The following COCH variants were observed in gnomAD, a reference collection of about 807,000 sequenced individuals.
COCH encodes the protein coagulation factor C homolog, cochlin (Limulus polyphemus).
Under a neutral mutation model 54.8 loss-of-function variants are expected in COCH, and 40 were observed. The observed-to-expected ratio is 0.73, with a 90% confidence interval of 0.57 to 0.95. The LOEUF is 0.95. Among genes scored for constraint, COCH ranks in the 40% least tolerant of loss-of-function variants. The probability of loss-of-function intolerance (pLI) is 0.00; values close to 1 mark genes in which losing one functional copy is unlikely to be tolerated. For missense variants in COCH, 605 were observed against 675.0 expected, an observed-to-expected ratio of 0.90 and a Z score of 1.15; for synonymous variants, 256 against 237.9, an observed-to-expected ratio of 1.08 and a Z score of -0.70.
chr14:30,895,340 T>C, downstream of COCH: 1 of 1,471,628 alleles, frequency 6.8e-7, no homozygotes, highest in Non-Finnish European at 9.1e-7. Flanking sequence ...ATCAGTAACC[T>C]TTCTGATGGC....
intron 11 of COCH, 167 bp from the exon 12 acceptor site, chr14:30,889,449 G>T (rs563972272): frequency 1.6e-6 from 1 of 640,330 alleles, no homozygotes; most frequent in African/African-American, 1.8e-5. Flanking sequence ...TGCCACTCTC[G>T]TCACAATGAC....
chr14:30,877,713 G>C lies in COCH; in HGVS notation c.224G>C (p.Gly75Ala). Residue 75 changes from glycine (G) to alanine (A), a missense_variant, in exon 4 of 12, where the codon GGG (glycine) becomes GCG (alanine). Physicochemically the swap from Gly to Ala is moderately conservative, Grantham distance 60. Coordinates refer to ENST00000396618, the MANE Select transcript of COCH (RefSeq NM_004086.3). The surrounding 1 kb of genome is among the most constrained non-coding windows in gnomAD (Gnocchi z 8.6). Reference protein sequence around the residue: ...IVYASVSSICGAAVHRGVISN... With the variant: ...IVYASVSSICAAAVHRGVISN... ...TATGCTTCTGTATCGAGCATATGTG[G>C]GGCTGCTGTCCACAGGTAAGCCCAA... is the stretch of plus-strand genomic sequence containing the variant. The C allele has an allele frequency of 6.2e-7, 1 of 1,614,194 alleles. No homozygotes were observed. The highest frequency in any genetic ancestry group is 8.5e-7 in the Non-Finnish European group (1 of 1,180,046).
chr14:30,879,096 G>A, intron 5 of COCH, 152 bp downstream of exon 5: 2 of 1,174,884 alleles, frequency 1.7e-6, no homozygotes, highest in Non-Finnish European at 2.4e-6. Flanking sequence ...TAGACTGAGG[G>A]GTCAAGTACC....
chr14:30,888,131 A>AT lies in COCH; in HGVS notation c.1478-1474dup, dbSNP rs67814031. 7.1e-3 allele frequency among the ~76,000 whole-genome samples: 1,062 copies of AT among 148,550 alleles called. 16 individuals carry two copies. The highest frequency in any genetic ancestry group is 0.023 in the African/African-American group (933 of 40,460). On this transcript the variant is annotated intron_variant, in intron 11 of 11. Transcript: ENST00000396618. ...CAGGCTGGAGTACAGTGGTGTGATT[A>AT]TTTTTTTTTTTAACTGTAATTATAT...
chr14:30,879,339 C>T lies in COCH; in HGVS notation c.374-84C>T, dbSNP rs556289271. On this transcript the variant is annotated intron_variant, in intron 5 of 11. Coordinates refer to ENST00000396618, the MANE Select transcript of COCH (RefSeq NM_004086.3). ...ATCACCATTACCCTATTACATTTGT[C>T]ATTGTAGAGAGCTCTAAATTAGATT... The T allele has an allele frequency of 1.4e-3, 1,889 of 1,346,526 alleles. 2 individuals carry two copies. Among genetic ancestry groups the T allele is most frequent in the Middle Eastern group, 6.7e-3 (37 of 5,490 alleles). The allele number at this position is 1,346,526 out of a possible 1,614,324, so 83.4% of individuals were successfully genotyped here. A position where few individuals can be genotyped will look rare whatever the true frequency, so the allele number is the denominator to read the frequency against.
In COCH at chr14:30,889,880, T is replaced by C; in HGVS notation, c.*89T>C. ...ATAATACTGAAATGCTTTAGCATACTAGAATCAGATACAAAACTATTAAGT... is the reference window on the plus strand; with the variant it reads ...ATAATACTGAAATGCTTTAGCATACCAGAATCAGATACAAAACTATTAAGT... On this transcript the variant is annotated 3_prime_UTR_variant, in exon 12 of 12. Transcript: ENST00000396618. 1.3e-6 allele frequency: 2 copies of C among 1,494,982 alleles called. No homozygotes were observed. Among genetic ancestry groups the C allele is most frequent in the African/African-American group, 2.8e-5 (2 of 71,248 alleles). 92.6% of individuals were successfully genotyped at this position (1,494,982 alleles called of 1,614,324 possible). A position where few individuals can be genotyped will look rare whatever the true frequency, so the allele number is the denominator to read the frequency against.
chr14:30,880,353 C>A (rs1467585141), intron 6 of COCH, 99 bp from the exon 7 acceptor site: 2 of 1,540,124 alleles, frequency 1.3e-6, no homozygotes, highest in African/African-American at 2.8e-5. Flanking sequence ...AAAGTCCTTT[C>A]AAGAATGGCA....
Position 30,890,171 on chromosome 14 carries a change from A to C in COCH, c.*380A>C. The C allele has an allele frequency of 1.0e-6, 1 of 994,502 alleles. No individual in the cohort carries two copies. The highest frequency in any genetic ancestry group is 1.2e-6 in the Non-Finnish European group (1 of 835,068). The allele number at this position is 994,502 out of a possible 1,614,324, so 61.6% of individuals were successfully genotyped here. A position where few individuals can be genotyped will look rare whatever the true frequency, so the allele number is the denominator to read the frequency against. On this transcript the variant is annotated 3_prime_UTR_variant, in exon 12 of 12. Transcript: ENST00000396618. ...TTCGTTCTCTAACCATTCTGTATTGATTATATAAGCAAAATGAAAAGAGAA... is the reference window on the plus strand; with the variant it reads ...TTCGTTCTCTAACCATTCTGTATTGCTTATATAAGCAAAATGAAAAGAGAA...
In COCH at chr14:30,877,865, C is replaced by A; in HGVS notation, c.239+137C>A. 6.9e-7 allele frequency: 1 copy of A among 1,451,360 alleles called. No homozygotes were observed. The highest frequency in any genetic ancestry group is 9.3e-7 in the Non-Finnish European group (1 of 1,070,642). The allele number at this position is 1,451,360 out of a possible 1,614,324, so 89.9% of individuals were successfully genotyped here. ...TGGCCACAGAAAATGGATATATTTT[C>A]ACGGTTCTCCTGGATATACTTGAAA... On this transcript the variant is annotated intron_variant, in intron 4 of 11. Coordinates refer to ENST00000396618, the MANE Select transcript of COCH (RefSeq NM_004086.3). The surrounding 1 kb of genome is among the most constrained non-coding windows in gnomAD (Gnocchi z 8.6).
rs545418366 is a variant in COCH, at chr14:30,885,986, G to A, written c.1151G>A (p.Arg384His). Reference protein sequence around the residue: ...GSSSVGDSNFRLMLEFVSNIA... With the variant: ...GSSSVGDSNFHLMLEFVSNIA... Reference sequence around the variant, plus strand: ...AGCAGTGTTGGAGATAGCAATTTCCGCCTCATGCTTGAATTTGTTTCCAAC... The same window carrying A: ...AGCAGTGTTGGAGATAGCAATTTCCACCTCATGCTTGAATTTGTTTCCAAC... The change falls in exon 11 of 12, where the codon CGC becomes CAC. Residue 384 changes from arginine to histidine, a missense_variant. Coordinates refer to ENST00000396618, the MANE Select transcript of COCH (RefSeq NM_004086.3). The A allele has an allele frequency of 5.7e-5, 92 of 1,614,140 alleles. No individual in the cohort carries two copies. Among genetic ancestry groups the A allele is most frequent in the South Asian group, 4.7e-4 (43 of 91,082 alleles).
intron 9 of COCH, 181 bp from the exon 10 acceptor site, chr14:30,885,213 C>A: frequency 1.0e-6 from 1 of 990,498 alleles, no homozygotes; most frequent in Non-Finnish European, 1.5e-6. Context: ...GATAATTAAA[C>A]TTTCCCAGCT....
At chr14:30,888,304 T>A (rs926546430) in intron 11 of COCH, among the ~76,000 whole-genome samples, 1 of 151,924 alleles carries the variant, frequency 6.6e-6, no homozygotes, top group Non-Finnish European at 1.5e-5. Flanking sequence ...AATTGGACAT[T>A]GTTCCAAGTA....
chr14:30,895,606 T>C (rs762818200), downstream of COCH: 20 of 1,610,260 alleles, frequency 1.2e-5, no homozygotes, highest in Non-Finnish European at 1.3e-5. Flanking sequence ...TAAAATTTGT[T>C]ACTGAGTAAC....
intron 11 of COCH, among the ~76,000 whole-genome samples, chr14:30,886,971 C>T (rs1295658194): frequency 6.6e-6 from 1 of 152,156 alleles, no homozygotes; most frequent in Non-Finnish European, 1.5e-5. Context: ...ATCCTCACAC[C>T]TTGGCCTCCC....
chr14:30,879,597 CA>C (rs1895497070), intron 6 of COCH, 112 bp downstream of exon 6: 1 of 1,044,450 alleles, frequency 9.6e-7, no homozygotes, highest in Admixed American at 1.7e-5. Flanking sequence ...TAAAGAGAAA[CA>C]AAGCAAATAC....
At position 30,885,807 on chromosome 14, in the gene COCH, G is replaced by A. The variant is rs1193729124; in HGVS notation, c.972G>A (p.Arg324=). The A allele has an allele frequency of 1.2e-6, 2 of 1,613,882 alleles. No homozygotes were observed. The highest frequency in any genetic ancestry group is 2.2e-5 in the South Asian group (2 of 91,076). The change falls in exon 11 of 12, where the codon CGG becomes CGA. Residue 324 remains arginine, a synonymous_variant. Coordinates refer to ENST00000396618, the MANE Select transcript of COCH (RefSeq NM_004086.3). ...DVTFVDKAVC[R]NNGFFSYHMP... ...GTCTCCCCCATTAGGCTGTCTGTCG[G>A]AATAATGGCTTCTTCTCTTACCACA...
At chr14:30,882,120 G>GTTTTTTGTT (rs1895618463) in intron 8 of COCH, among the ~76,000 whole-genome samples, 1 of 67,914 alleles carries the variant, frequency 1.5e-5, no homozygotes, top group African/African-American at 6.6e-5. Context: ...CTATAAAATG[G>GTTTTTTGTT]TTTTTTTTTT....
chr14:30,879,635 GGA>G, intron 6 of COCH, 150 bp downstream of exon 6: 1 of 774,534 alleles, frequency 1.3e-6, no homozygotes, highest in Non-Finnish European at 2.2e-6. Flanking sequence ...TATTACATAT[GGA>G]AACATTCATT....
intron 11 of COCH, chr14:30,889,320 G>A (rs1475631496): frequency 2.7e-6 from 1 of 364,390 alleles, no homozygotes; most frequent in Non-Finnish European, 5.2e-6. Flanking sequence ...CTAGTTTATA[G>A]GTGTGTTCTG....
Sources: gnomAD v4.1 joint callset for allele counts (sites outside exome capture counted in the v4.1 genomes callset) on GRCh38, gnomAD v4.1.1 for gene constraint, Gnocchi (gnomAD v3.1) non-coding constraint, MANE v1.5 for transcripts, NCBI Gene and HGNC (gene_info 2026-07-23, HGNC 2026-07-21) for gene names.